LINGO2: variants seen among roughly 807,000 people sequenced by gnomAD.
The protein encoded by LINGO2 is leucine-rich repeat and immunoglobulin-like domain-containing nogo receptor-interacting protein 2.
Under a neutral mutation model 30.6 loss-of-function variants are expected in LINGO2, and 14 were observed. The observed-to-expected ratio is 0.46, with a 90% CI of 0.30 to 0.72. LINGO2 has a LOEUF of 0.72. LINGO2 is among the 30% of genes least tolerant of loss of function. The pLI is 0.07. For synonymous variants in LINGO2, 317 were observed against 288.5 expected (o/e 1.10, Z -1.00); for missense variants, 729 against 751.7 (o/e 0.97, Z 0.35).
At chr9:28,769,823 T>C in the LINGO2 span, among the ~76,000 whole-genome samples, 1 of 151,798 alleles carries the variant, frequency 6.6e-6, no homozygotes, top group East Asian at 1.9e-4. Flanking sequence ...TAAAAGGATG[T>C]TATTCTTATT....
chr9:28,725,901 TA>T, the LINGO2 span, among the ~76,000 whole-genome samples: 1 of 152,126 alleles, frequency 6.6e-6, no homozygotes, highest in East Asian at 1.9e-4. Context: ...AAACCAAGGT[TA>T]TAAGCACTGA....
At chr9:27,954,217 T>C (rs1215568353) in intron 5 of LINGO2, among the ~76,000 whole-genome samples, 1 of 152,176 alleles carries the variant, frequency 6.6e-6, no homozygotes, top group African/African-American at 2.4e-5. Flanking sequence ...ATTTCAAGTC[T>C]TCCAGCCGTT....
chr9:29,134,569 G>C, the LINGO2 span, among the ~76,000 whole-genome samples: 1 of 151,964 alleles, frequency 6.6e-6, no homozygotes, highest in African/African-American at 2.4e-5. Context: ...TGGATAGAAA[G>C]ACCAATCGAT....
At chr9:28,002,696 T>C (rs1472470492) in intron 5 of LINGO2, among the ~76,000 whole-genome samples, 2 of 152,150 alleles carry the variant, frequency 1.3e-5, no homozygotes, top group Non-Finnish European at 1.5e-5. Flanking sequence ...AATAACGCCA[T>C]TTCAGTCAAC....
At chr9:28,023,916 T>A (rs1393597300) in intron 4 of LINGO2, among the ~76,000 whole-genome samples, 1 of 152,060 alleles carries the variant, frequency 6.6e-6, no homozygotes, top group East Asian at 1.9e-4. Context: ...ACCACTGAAG[T>A]TTTTCTACCC....
chr9:28,992,010 T>A, the LINGO2 span, among the ~76,000 whole-genome samples: 1 of 152,098 alleles, frequency 6.6e-6, no homozygotes, highest in African/African-American at 2.4e-5. Flanking sequence ...AATTCACACA[T>A]AACAATATTA....
At chr9:27,955,350 G>C (rs551902992) in intron 5 of LINGO2, among the ~76,000 whole-genome samples, 1 of 152,190 alleles carries the variant, frequency 6.6e-6, no homozygotes, top group East Asian at 1.9e-4. Flanking sequence ...CGTGTCAATC[G>C]TTTGATTTTA....
chr9:28,058,344 A>T (rs1825024838), intron 4 of LINGO2, among the ~76,000 whole-genome samples: 1 of 152,168 alleles, frequency 6.6e-6, no homozygotes, highest in African/African-American at 2.4e-5. Flanking sequence ...ATCTTCATGG[A>T]TATACAACAT....
At chr9:28,280,855 C>T (rs2134126412) in intron 4 of LINGO2, among the ~76,000 whole-genome samples, 1 of 152,284 alleles carries the variant, frequency 6.6e-6, no homozygotes, top group South Asian at 2.1e-4. Flanking sequence ...TTCTATCAAA[C>T]TGATGCTTCT....
At chr9:29,121,850 T>C in the LINGO2 span, among the ~76,000 whole-genome samples, 1 of 152,058 alleles carries the variant, frequency 6.6e-6, no homozygotes. Flanking sequence ...ACATTCGGGA[T>C]CTCTGCTAAG....
At chr9:29,084,508 A>G in the LINGO2 span, among the ~76,000 whole-genome samples, 1 of 152,074 alleles carries the variant, frequency 6.6e-6, no homozygotes, top group Non-Finnish European at 1.5e-5. Context: ...AAAATACAAT[A>G]AAGTCATTAG....
chr9:28,287,375 C>G lies in LINGO2; in HGVS notation c.-87+7833G>C, dbSNP rs531151635. Among the ~76,000 whole-genome samples the G allele has an allele frequency of 1.7e-4, 26 of 152,330 alleles. 1 individual carries two copies. The highest frequency in any genetic ancestry group is 6.0e-4 in the African/African-American group (25 of 41,582). ...GAGGATTATATCAAATAAAGCTGAA[C>G]TGACGTTCACTTTTTTGTGTGTTTT... On this transcript the variant is annotated intron_variant, in intron 4 of 5. Transcript: ENST00000379992.
intron 1 of LINGO2, among the ~76,000 whole-genome samples, chr9:28,494,677 T>TA (rs1190476432): frequency 7.2e-5 from 11 of 152,308 alleles, no homozygotes; most frequent in Admixed American, 1.3e-4. Context: ...GCAATAAACA[T>TA]ACGTGTGCAT....
At chr9:29,121,921 T>C in the LINGO2 span, among the ~76,000 whole-genome samples, 1 of 152,066 alleles carries the variant, frequency 6.6e-6, no homozygotes, top group African/African-American at 2.4e-5. Context: ...TTTAATTTTA[T>C]TGTGAATGTA....
At chr9:28,592,062 C>T (rs1824939419) in intron 1 of LINGO2, among the ~76,000 whole-genome samples, 1 of 151,992 alleles carries the variant, frequency 6.6e-6, no homozygotes, top group African/African-American at 2.4e-5. Flanking sequence ...CATGGTGTGA[C>T]TTAGGGTTAA....
chr9:28,994,094 G>A, the LINGO2 span, among the ~76,000 whole-genome samples: 1 of 151,880 alleles, frequency 6.6e-6, no homozygotes, highest in South Asian at 2.1e-4. Flanking sequence ...GTTTGCAGAT[G>A]ACATGATTGT....
chr9:28,530,736 T>C (rs1250383308), intron 1 of LINGO2, among the ~76,000 whole-genome samples: 1 of 152,110 alleles, frequency 6.6e-6, no homozygotes, highest in Admixed American at 6.6e-5. Context: ...AATATTAAAA[T>C]GTTCACTATT....
At chr9:27,969,455 T>C (rs1328263734) in intron 5 of LINGO2, among the ~76,000 whole-genome samples, 1 of 152,190 alleles carries the variant, frequency 6.6e-6, no homozygotes, top group African/African-American at 2.4e-5. Flanking sequence ...AATATCTTTC[T>C]ATATAATATT....
At chr9:27,973,911 G>T (rs1820471873) in intron 5 of LINGO2, among the ~76,000 whole-genome samples, 1 of 152,156 alleles carries the variant, frequency 6.6e-6, no homozygotes, top group South Asian at 2.1e-4. Context: ...GCACATTCCT[G>T]TGACATTCCC....
Sources: gnomAD v4.1 joint callset for allele counts (sites outside exome capture counted in the v4.1 genomes callset) on GRCh38, gnomAD v4.1.1 for gene constraint, MANE v1.5 for transcripts, NCBI Gene and HGNC (gene_info 2026-07-23, HGNC 2026-07-21) for gene names.